Variants in BRF1 observed in about 807,000 individuals in gnomAD.
BRF1 encodes BRF1 general transcription factor IIIB subunit.
A neutral mutation model predicts 81.7 loss-of-function variants in BRF1; 59 were observed. The ratio of observed to expected loss-of-function variants is 0.72; its 90% CI spans 0.59 to 0.90. The LOEUF is 0.90. Ranked by LOEUF, BRF1 falls within the 40% of genes least tolerant of loss-of-function variation. The pLI is 0.00. For synonymous variants in BRF1, 491 were observed against 395.6 expected, an observed-to-expected ratio of 1.24 and a Z score of -2.86; for missense variants, 1,050 against 936.3, an observed-to-expected ratio of 1.12 and a Z score of -1.58.
rs765958760 is a variant in BRF1, at chr14:105,249,650, A to G, written c.544+2857T>C. 4 of 1,611,884 alleles carry G rather than the reference A, an allele frequency of 2.5e-6. No homozygotes were observed. The Admixed American group carries it at 5.0e-5, about 20-fold the overall frequency. ...CCCTGCCTCGCCTAGGTACATGTAC[A>G]GTGATGAGATCGATCTGGAAGCCGA... On this transcript the variant is annotated intron_variant, in intron 5 of 17. Coordinates refer to ENST00000547530, the MANE Select transcript of BRF1 (RefSeq NM_001519.4).
intron 1 of BRF1, among the ~76,000 whole-genome samples, chr14:105,292,928 A>G (rs903605487): frequency 1.3e-5 from 2 of 151,850 alleles, no homozygotes; most frequent in Non-Finnish European, 2.9e-5. Context: ...ACTGCGGAGG[A>G]GCTGGTTTTG....
rs113551076 is a variant in BRF1 at position 105,209,358 on chromosome 14, G to A, written c.*1193C>T. On this transcript the variant is annotated 3_prime_UTR_variant, in exon 18 of 18. Transcript: ENST00000547530. ...TCCCCCAAGCCCTCGAGAAGCCCTG[G>A]CAGGACCCAGGCTGGCTACTGAGCT... 4.6e-3 allele frequency: 2,689 copies of A among 582,066 alleles called. 56 individuals are homozygous for A. Among genetic ancestry groups the A allele is most frequent in the African/African-American group, 0.042 (2,221 of 52,942 alleles). The allele number at this position is 582,066 out of a possible 1,614,324, so 36.1% of individuals were successfully genotyped here. A position where few individuals can be genotyped will look rare whatever the true frequency, so the allele number is the denominator to read the frequency against.
intron 2 of BRF1, among the ~76,000 whole-genome samples, chr14:105,276,051 G>C (rs1449259652): frequency 2.3e-4 from 15 of 66,350 alleles, no homozygotes; most frequent in African/African-American, 1.4e-3. Context: ...TAGAGAGCTG[G>C]GGAGGAGGCC....
At chr14:105,282,045 A>C (rs763229039) in intron 2 of BRF1, among the ~76,000 whole-genome samples, 23 of 152,228 alleles carry the variant, frequency 1.5e-4, no homozygotes, top group Non-Finnish European at 2.6e-4. Context: ...GCTTCAGAAC[A>C]TCAAAGAAAT....
intron 5 of BRF1, chr14:105,249,470 C>G (rs763475014): frequency 2.5e-6 from 4 of 1,613,430 alleles, no homozygotes; most frequent in South Asian, 2.2e-5. Context: ...CCTTTCTGAT[C>G]CTCTTAAAGT....
At position 105,272,833 on chromosome 14, in the gene BRF1, G is replaced by A. The variant is rs985720580; in HGVS notation, c.327C>T (p.Thr109=). Residue 109 remains threonine (T), a synonymous_variant, in exon 3 of 18, where the codon ACC becomes ACT. Coordinates refer to ENST00000547530, the MANE Select transcript of BRF1 (RefSeq NM_001519.4). The part of the protein sequence containing the change: ...QLQLNQHCLD[T]AFNFFKMAVS... ...CGGCCATCTTGAAGAAGTTGAAGGC[G>A]GTGTCCAGGCAGTGCTGGTTCAGCT... 1.4e-5 allele frequency: 23 copies of A among 1,614,054 alleles called. No individual in the cohort carries two copies. Among genetic ancestry groups the A allele is most frequent in the Admixed American group, 6.7e-5 (4 of 60,024 alleles).
chr14:105,281,600 G>A (rs587599812), intron 2 of BRF1, among the ~76,000 whole-genome samples: 14 of 152,216 alleles, frequency 9.2e-5, no homozygotes, highest in African/African-American at 2.2e-4. Flanking sequence ...GATGTGGGGC[G>A]GCTGACTGCA....
chr14:105,241,356 G>T lies in BRF1; in HGVS notation c.603C>A (p.His201Gln). Residue 201 changes from histidine (H) to glutamine (Q), a missense_variant, in exon 6 of 18, where the codon CAC becomes CAA. By Grantham distance (24) the His-to-Gln change is conservative. Around this residue, in one of 2 missense-constraint regions of BRF1, gnomAD observed 1,043 missense variants for 915.4 expected, o/e 1.14. Transcript: ENST00000547530. The stretch of plus-strand genomic sequence containing the variant: ...GCCTCAGGGCAGTCATGGACACCTC[G>T]TGGTTCTTCTCCCCGAATTCCAGCA... ...AHLLEFGEKNHEVSMTALRLL... is the reference protein window; with the variant it reads ...AHLLEFGEKNQEVSMTALRLL... 8.1e-6 allele frequency: 13 copies of T among 1,612,780 alleles called. No homozygotes were observed. Among genetic ancestry groups the T allele is most frequent in the Non-Finnish European group, 9.3e-6 (11 of 1,179,934 alleles).
intron 1 of BRF1, 40 bp downstream of exon 1, chr14:105,300,406 G>A (rs1404802908): frequency 2.0e-6 from 3 of 1,486,536 alleles, no homozygotes; most frequent in Non-Finnish European, 2.7e-6. Context: ...CGCCTAAGCC[G>A]CACCGAGAAA....
intron 4 of BRF1, among the ~76,000 whole-genome samples, chr14:105,253,350 C>T (rs587612977): frequency 1.7e-4 from 26 of 152,318 alleles, no homozygotes; most frequent in African/African-American, 6.3e-4. Context: ...CCTACTGGAG[C>T]CTGCAAGAGC....
chr14:105,255,359 T>C (rs914385871), intron 4 of BRF1, among the ~76,000 whole-genome samples: 1 of 152,188 alleles, frequency 6.6e-6, no homozygotes, highest in Non-Finnish European at 1.5e-5. Context: ...AGCTTCTGAG[T>C]TGCCATTTAT....
intron 1 of BRF1, among the ~76,000 whole-genome samples, chr14:105,288,234 C>T (rs2057386826): frequency 6.6e-6 from 1 of 152,120 alleles, no homozygotes; most frequent in African/African-American, 2.4e-5. Context: ...GTGGGTGGAT[C>T]ACGAGGTCAG....
At chr14:105,229,645 G>T (rs1262195505) in intron 6 of BRF1, among the ~76,000 whole-genome samples, 4 of 150,990 alleles carry the variant, frequency 2.6e-5, no homozygotes, top group Admixed American at 1.3e-4. Flanking sequence ...GCTGGGGGCG[G>T]GGGACAGCCT....
intron 1 of BRF1, among the ~76,000 whole-genome samples, chr14:105,287,640 T>C (rs1310233305): frequency 1.3e-5 from 2 of 152,106 alleles, no homozygotes; most frequent in Non-Finnish European, 2.9e-5. Flanking sequence ...AGGGAAACCA[T>C]GAGGCAGGGA....
In BRF1 at chr14:105,241,359, G is replaced by A. The variant is rs1381401661; in HGVS notation, c.600C>T (p.Asn200=). 4 of 1,612,814 alleles carry A rather than the reference G, an allele frequency of 2.5e-6. No individual in the cohort carries two copies. Among genetic ancestry groups the A allele is most frequent in the Non-Finnish European group, 3.4e-6 (4 of 1,179,940 alleles). ...TCAGGGCAGTCATGGACACCTCGTGGTTCTTCTCCCCGAATTCCAGCAGGT... is the reference window on the plus strand; with the variant it reads ...TCAGGGCAGTCATGGACACCTCGTGATTCTTCTCCCCGAATTCCAGCAGGT... ...FAHLLEFGEK[N]HEVSMTALRL... The change falls in exon 6 of 18, where the codon AAC becomes AAT. Residue 200 remains asparagine (N), a synonymous_variant. Transcript: ENST00000547530.
chr14:105,217,650 T>C lies in BRF1; in HGVS notation c.1666A>G (p.Arg556Gly). The part of the protein sequence containing the change: ...LSSAGGGSPH[R>G]EDAQPEHSAS... ...CTATGCTCGGGCTGTGCATCCTCCC[T>C]GTGCGGACTGCCCCCGCCGGCGCTG... The change falls in exon 15 of 18, where the codon AGG becomes GGG. Residue 556 changes from arginine (R) to glycine (G), a missense_variant. By Grantham distance (125) the Arg-to-Gly change is moderately radical. Around this residue, in one of 2 missense-constraint regions of BRF1, gnomAD observed 1,043 missense variants for 915.4 expected, o/e 1.14. Transcript: ENST00000547530. The C allele has an allele frequency of 6.2e-7, 1 of 1,613,284 alleles. No individual in the cohort carries two copies. The highest frequency in any genetic ancestry group is 8.5e-7 in the Non-Finnish European group (1 of 1,180,002).
At chr14:105,285,060 A>AT (rs587691855) in intron 2 of BRF1, among the ~76,000 whole-genome samples, 35 of 152,340 alleles carry the variant, frequency 2.3e-4, no homozygotes, top group Non-Finnish European at 4.6e-4. Flanking sequence ...AGGTATCAGA[A>AT]GACTTTACAC....
chr14:105,295,868 T>G (rs770324000), intron 1 of BRF1, among the ~76,000 whole-genome samples: 1 of 150,422 alleles, frequency 6.6e-6, no homozygotes, highest in South Asian at 2.1e-4. Flanking sequence ...CACTTGAGAT[T>G]AGAAGTTCAA....
chr14:105,284,610 G>A lies in BRF1; in HGVS notation c.265+1686C>T, dbSNP rs1477860159. On this transcript the variant is annotated intron_variant, in intron 2 of 17. Coordinates refer to ENST00000547530, the MANE Select transcript of BRF1 (RefSeq NM_001519.4). The surrounding 1 kb of genome is among the most constrained non-coding windows in gnomAD (Gnocchi z 4.0). ...ACCGATCACAAGAATCCCTCACGTG[G>A]TCCTCAGGTTCCTGAGAGTGTACTC... 5.9e-5 allele frequency among the ~76,000 whole-genome samples: 9 copies of A among 152,158 alleles called. No individual in the cohort carries two copies. Among genetic ancestry groups the A allele is most frequent in the African/African-American group, 2.2e-4 (9 of 41,426 alleles).
Sources: allele counts gnomAD v4.1 joint callset (sites outside exome capture counted in the v4.1 genomes callset), GRCh38; gene constraint gnomAD v4.1.1; regional missense constraint gnomAD v4.1.1; non-coding constraint Gnocchi (gnomAD v3.1); transcripts MANE v1.5; gene names NCBI Gene and HGNC (gene_info 2026-07-23, HGNC 2026-07-21).